AGBL1: variants seen among roughly 807,000 people sequenced by gnomAD.
AGBL1 encodes the protein cytosolic carboxypeptidase 4.
AGBL1 carries 130 observed loss-of-function variants against 118.9 expected under a neutral mutation model. That is an observed-to-expected ratio of 1.09 (90% CI 0.95 to 1.26). The LOEUF (loss-of-function observed/expected upper bound fraction) is 1.26. Ranked by LOEUF, AGBL1 falls within the 50% of genes most tolerant of loss-of-function variation. The pLI is 0.00. For missense variants in AGBL1, 1,584 were observed against 1,298.1 expected, an observed-to-expected ratio of 1.22 and a Z score of -3.38; for synonymous variants, 555 against 478.9, an observed-to-expected ratio of 1.16 and a Z score of -2.08.
intron 18 of AGBL1, among the ~76,000 whole-genome samples, chr15:86,481,074 A>G (rs980106451): frequency 6.6e-6 from 1 of 151,816 alleles, no homozygotes; most frequent in Admixed American, 6.6e-5. Context: ...GAAGAAGAGG[A>G]ATAAAATCTT....
intron 21 of AGBL1, among the ~76,000 whole-genome samples, chr15:86,572,513 A>T (rs918626996): frequency 6.6e-6 from 1 of 152,150 alleles, no homozygotes; most frequent in Non-Finnish European, 1.5e-5. Context: ...GGAGGCTCCC[A>T]GAGGCAGGCT....
At chr15:86,495,103 A>ACTCTCT (rs34697784) in intron 18 of AGBL1, among the ~76,000 whole-genome samples, 1 of 129,470 alleles carries the variant, frequency 7.7e-6, no homozygotes, top group Non-Finnish European at 1.7e-5. Flanking sequence ...TGTCTCGCTC[A>ACTCTCT]CTCTCTCTCT....
At chr15:86,759,019 C>T (rs2077984830) in intron 22 of AGBL1, among the ~76,000 whole-genome samples, 1 of 150,564 alleles carries the variant, frequency 6.6e-6, no homozygotes, top group Non-Finnish European at 1.5e-5. Context: ...ACTTATACCT[C>T]ATGAGAGTAG....
At chr15:86,821,960 C>T (rs1413623479) in intron 22 of AGBL1, among the ~76,000 whole-genome samples, 1 of 152,106 alleles carries the variant, frequency 6.6e-6, no homozygotes, top group Non-Finnish European at 1.5e-5. Flanking sequence ...CTGTGCTGGT[C>T]ACCTTTCGGC....
chr15:86,383,242 G>A (rs1375619970), intron 17 of AGBL1, among the ~76,000 whole-genome samples: 2 of 61,686 alleles, frequency 3.2e-5, no homozygotes, highest in Non-Finnish European at 5.4e-5. Context: ...TAAGCATTCA[G>A]TATGTAAAAA....
At chr15:86,114,888 A>C (rs1248230858) in intron 1 of AGBL1, among the ~76,000 whole-genome samples, 11 of 152,160 alleles carry the variant, frequency 7.2e-5, no homozygotes, top group Non-Finnish European at 1.6e-4. Context: ...TTCTGATGAG[A>C]TTCACTGTCA....
chr15:86,858,463 G>GGGGTGTGT (rs1555457467), intron 22 of AGBL1, among the ~76,000 whole-genome samples: 1 of 147,090 alleles, frequency 6.8e-6, no homozygotes, highest in Admixed American at 6.8e-5. Context: ...CCTTTCAGGT[G>GGGGTGTGT]GTGTGTGTGT....
chr15:86,738,877 G>C (rs536134014), intron 22 of AGBL1, among the ~76,000 whole-genome samples: 1 of 152,054 alleles, frequency 6.6e-6, no homozygotes, highest in Non-Finnish European at 1.5e-5. Context: ...GGTGGCTCAC[G>C]CCTGTAATCT....
At chr15:86,582,331 T>A (rs1425409535) in intron 21 of AGBL1, among the ~76,000 whole-genome samples, 1 of 152,140 alleles carries the variant, frequency 6.6e-6, no homozygotes, top group Non-Finnish European at 1.5e-5. Flanking sequence ...GGGAAATAGA[T>A]TTACTGGTCT....
intron 21 of AGBL1, among the ~76,000 whole-genome samples, chr15:86,660,540 T>C (rs1240946068): frequency 6.6e-6 from 1 of 152,158 alleles, no homozygotes; most frequent in East Asian, 1.9e-4. Flanking sequence ...TTAATTGTAT[T>C]ACTAATCCAA....
intron 19 of AGBL1, among the ~76,000 whole-genome samples, chr15:86,538,339 T>C (rs181133373): frequency 6.6e-6 from 1 of 152,332 alleles, no homozygotes; most frequent in East Asian, 1.9e-4. Context: ...ATGTGCCTAA[T>C]GTGGTTAACC....
intron 22 of AGBL1, among the ~76,000 whole-genome samples, chr15:86,844,336 A>T (rs954334236): frequency 4.6e-5 from 7 of 152,154 alleles, no homozygotes; most frequent in Non-Finnish European, 8.8e-5. Context: ...ATAAGCAGTG[A>T]ATGAGGGTTC....
intron 22 of AGBL1, among the ~76,000 whole-genome samples, chr15:86,799,185 A>G (rs983073336): frequency 6.6e-6 from 1 of 151,316 alleles, no homozygotes; most frequent in Non-Finnish European, 1.5e-5. Flanking sequence ...ATTTTATTTT[A>G]TTATTATTAT....
intron 22 of AGBL1, among the ~76,000 whole-genome samples, chr15:86,725,647 T>G (rs993048129): frequency 2.0e-5 from 3 of 152,204 alleles, no homozygotes; most frequent in Non-Finnish European, 2.9e-5. Flanking sequence ...GAAACATTCC[T>G]TTGTAAAGTA....
chr15:86,750,905 C>T (rs1253180475), intron 22 of AGBL1, among the ~76,000 whole-genome samples: 1 of 152,046 alleles, frequency 6.6e-6, no homozygotes, highest in Non-Finnish European at 1.5e-5. Context: ...GTTCTCTGTT[C>T]CTGCATTAGT....
At chr15:86,156,575 T>C (rs1367040767) in intron 4 of AGBL1, among the ~76,000 whole-genome samples, 1 of 152,122 alleles carries the variant, frequency 6.6e-6, no homozygotes, top group Non-Finnish European at 1.5e-5. Context: ...ACTTGGTAGA[T>C]GGGGTGAATG....
intron 18 of AGBL1, among the ~76,000 whole-genome samples, chr15:86,443,449 T>C (rs1229929069): frequency 6.6e-6 from 1 of 152,228 alleles, no homozygotes; most frequent in Admixed American, 6.5e-5. Flanking sequence ...TATCATTTCT[T>C]TGTGTTGGAA....
intron 23 of AGBL1, among the ~76,000 whole-genome samples, chr15:86,928,748 A>T: frequency 6.6e-6 from 1 of 152,220 alleles, no homozygotes; most frequent in East Asian, 1.9e-4. Flanking sequence ...CTGGCAATAA[A>T]GCATTTCATT....
intron 1 of AGBL1, among the ~76,000 whole-genome samples, chr15:86,125,192 C>G (rs1898342088): frequency 6.6e-6 from 1 of 152,138 alleles, no homozygotes; most frequent in Non-Finnish European, 1.5e-5. Context: ...CAGAAATAAT[C>G]AATAAGGTTT....
Sources: allele counts gnomAD v4.1 joint callset (sites outside exome capture counted in the v4.1 genomes callset), GRCh38; gene constraint gnomAD v4.1.1; transcripts MANE v1.5; gene names NCBI Gene and HGNC (gene_info 2026-07-23, HGNC 2026-07-21).